The following CLEC4A variants were observed in gnomAD, a reference collection of about 807,000 sequenced individuals.
CLEC4A encodes the protein C-type (calcium dependent, carbohydrate-recognition domain) lectin, superfamily member 6.
Under a neutral mutation model 32.7 loss-of-function variants are expected in CLEC4A, and 27 were observed. The ratio of observed to expected loss-of-function variants is 0.83; its 90% CI spans 0.61 to 1.14. The LOEUF is 1.14. Among genes scored for constraint, CLEC4A ranks in the 50% most tolerant of loss-of-function variants. The pLI is 0.00. For synonymous variants in CLEC4A, 89 were observed against 93.7 expected, an observed-to-expected ratio of 0.95 and a Z score of 0.29; for missense variants, 253 against 274.6, an observed-to-expected ratio of 0.92 and a Z score of 0.55.
the CLEC4A span, among the ~76,000 whole-genome samples, chr12:8,106,470 T>TGG: frequency 1.3e-5 from 2 of 152,224 alleles, no homozygotes; most frequent in Non-Finnish European, 2.9e-5. Context: ...ATCTATAAAT[T>TGG]GCTTTGGGCA....
chr12:8,131,678 T>A (rs1947998273), intron 3 of CLEC4A, among the ~76,000 whole-genome samples: 1 of 152,220 alleles, frequency 6.6e-6, no homozygotes, highest in African/African-American at 2.4e-5. Context: ...GTGGCCTAGA[T>A]AAGTTGACAC....
the CLEC4A span, among the ~76,000 whole-genome samples, chr12:8,111,380 A>T: frequency 2.0e-5 from 3 of 150,678 alleles, no homozygotes; most frequent in Non-Finnish European, 4.4e-5. Flanking sequence ...GGGTTTCACC[A>T]TGTTGGCCAG....
rs903646008 is a variant in CLEC4A, at chr12:8,136,777, T to TC, written c.451-5dup. 10 of 1,555,270 alleles carry TC rather than the reference T, an allele frequency of 6.4e-6. No individual in the cohort carries two copies. The highest frequency in any genetic ancestry group is 1.1e-5 in the South Asian group (1 of 89,950). ...CTGTAAAGGCTGTGACTCCTTCTTT[T>TC]CCCCCCTCAGGATTTCATCTTCCAG... On this transcript the variant is annotated splice_polypyrimidine_tract_variant and intron_variant, in intron 4 of 5. Transcript: ENST00000229332.
intron 1 of CLEC4A, among the ~76,000 whole-genome samples, chr12:8,124,311 C>T (rs1266958806): frequency 6.6e-6 from 1 of 152,106 alleles, no homozygotes; most frequent in Non-Finnish European, 1.5e-5. Flanking sequence ...CTTCTGAAAC[C>T]ATCAATCCAG....
chr12:8,118,048 C>T, the CLEC4A span, among the ~76,000 whole-genome samples: 1 of 150,838 alleles, frequency 6.6e-6, no homozygotes, highest in Non-Finnish European at 1.5e-5. Flanking sequence ...AAAGAGCAAG[C>T]AGGAGGGGAA....
At chr12:8,121,903 T>A (rs148931185), upstream of CLEC4A, 3 of 153,254 alleles carry the variant, frequency 2.0e-5, no homozygotes, top group Non-Finnish European at 2.9e-5. Context: ...TATGTCAGCA[T>A]GTGGGAGAGG....
At chr12:8,120,676 GT>G (rs34442378), upstream of CLEC4A, among the ~76,000 whole-genome samples, 90,985 of 151,920 alleles carry the variant, frequency 0.6, 28,018 homozygotes, top group Non-Finnish European at 0.69. Flanking sequence ...ATGTTTTAGT[GT>G]TTTTTTCTCT....
At chr12:8,113,804 T>C in the CLEC4A span, among the ~76,000 whole-genome samples, 4 of 152,226 alleles carry the variant, frequency 2.6e-5, no homozygotes, top group African/African-American at 9.6e-5. Flanking sequence ...AGTTGGTTAC[T>C]GCTTTGGGCA....
At chr12:8,119,407 A>G (rs1947813582), upstream of CLEC4A, among the ~76,000 whole-genome samples, 1 of 152,058 alleles carries the variant, frequency 6.6e-6, no homozygotes, top group Admixed American at 6.6e-5. Flanking sequence ...TATTTTTAGT[A>G]GTGATGGGGT....
the CLEC4A span, among the ~76,000 whole-genome samples, chr12:8,114,108 T>C: frequency 1.3e-5 from 2 of 152,208 alleles, no homozygotes; most frequent in African/African-American, 4.8e-5. Context: ...TAGCAAGAGC[T>C]GAAGTAAAAG....
intron 5 of CLEC4A, 70 bp downstream of exon 5, chr12:8,136,973 T>G: frequency 1.9e-6 from 2 of 1,035,834 alleles, no homozygotes; most frequent in Non-Finnish European, 2.9e-6. Flanking sequence ...ATTCTAGCTA[T>G]CAGCTATAAA....
At chr12:8,111,865 CAA>C in the CLEC4A span, among the ~76,000 whole-genome samples, 1 of 149,584 alleles carries the variant, frequency 6.7e-6, no homozygotes, top group Non-Finnish European at 1.5e-5. Flanking sequence ...TAAAAAACTT[CAA>C]CTTTTTTTTT....
chr12:8,112,998 G>A, the CLEC4A span, among the ~76,000 whole-genome samples: 1 of 151,806 alleles, frequency 6.6e-6, no homozygotes, highest in Non-Finnish European at 1.5e-5. Context: ...TTAAGTTTTA[G>A]GGTACATGTG....
Position 8,128,450 on chromosome 12 carries a change from A to G in CLEC4A, c.200-814A>G, listed in dbSNP as rs188418757. On this transcript the variant is annotated intron_variant, in intron 2 of 5. Transcript: ENST00000229332. ...TTTTGAGATGGAGTCTTGCTCCGTC[A>G]CCCAGGCTGGAGTGCAGTGGCGCAA... Among the ~76,000 whole-genome samples, 761 of 149,316 alleles carry G rather than the reference A, an allele frequency of 5.1e-3. 7 individuals carry two copies. Among genetic ancestry groups the G allele is most frequent in the Non-Finnish European group, 5.6e-3 (379 of 67,600 alleles).
the CLEC4A span, among the ~76,000 whole-genome samples, chr12:8,104,936 A>G: frequency 2.0e-5 from 3 of 152,176 alleles, no homozygotes; most frequent in South Asian, 2.1e-4. Flanking sequence ...ATAGTATTCC[A>G]TAGTGTATAT....
rs373413915 is a variant in CLEC4A, at chr12:8,135,581, A to G, written c.299-4A>G. 20 of 1,613,888 alleles carry G rather than the reference A, an allele frequency of 1.2e-5. No homozygotes were observed. In the African/African-American group the frequency reaches 1.9e-4, roughly 15 times the overall value. On this transcript the variant is annotated splice_region_variant and splice_polypyrimidine_tract_variant and intron_variant, in intron 3 of 5. Transcript: ENST00000229332. ...GCACGTATGTGCCCCTCTTCCCAAT[A>G]CAGAGACAGCCTGGAGCTGTTGCCC...
At chr12:8,130,941 T>C (rs866164421) in intron 3 of CLEC4A, among the ~76,000 whole-genome samples, 1 of 152,142 alleles carries the variant, frequency 6.6e-6, no homozygotes, top group African/African-American at 2.4e-5. Context: ...TTACATTGAA[T>C]TCTCATGTCT....
intron 3 of CLEC4A, among the ~76,000 whole-genome samples, chr12:8,133,294 G>A (rs988041375): frequency 4.0e-5 from 6 of 151,404 alleles, no homozygotes; most frequent in African/African-American, 9.7e-5. Flanking sequence ...CAGGTGATCC[G>A]CCCGCCTCAG....
chr12:8,138,178 G>C lies in CLEC4A; in HGVS notation c.605G>C (p.Arg202Pro). 6.2e-7 allele frequency: 1 copy of C among 1,614,058 alleles called. No homozygotes were observed. Among genetic ancestry groups the C allele is most frequent in the Non-Finnish European group, 8.5e-7 (1 of 1,180,014 alleles). Residue 202 changes from arginine to proline, a missense_variant, in exon 6 of 6, where the codon CGC becomes CCC. Physicochemically the swap from Arg to Pro is moderately radical, Grantham distance 103. Transcript: ENST00000229332. Reference sequence around the variant, plus strand: ...CGTGAGCCCAGTGATCCCAATGAGCGCTGCGTTGTGCTAAATTTTCGTAAA... The same window carrying C: ...CGTGAGCCCAGTGATCCCAATGAGCCCTGCGTTGTGCTAAATTTTCGTAAA... ...HPREPSDPNERCVVLNFRKSP... is the reference protein window; with the variant it reads ...HPREPSDPNEPCVVLNFRKSP...
Sources: allele counts gnomAD v4.1 joint callset (sites outside exome capture counted in the v4.1 genomes callset), GRCh38; gene constraint gnomAD v4.1.1; transcripts MANE v1.5; gene names NCBI Gene and HGNC (gene_info 2026-07-23, HGNC 2026-07-21).